The following KCNQ1 variants were observed in gnomAD, a reference collection of about 807,000 sequenced individuals.
The protein encoded by KCNQ1 is potassium voltage-gated channel subfamily KQT member 1.
Under a neutral mutation model 72.4 loss-of-function variants are expected in KCNQ1, and 49 were observed. That is an observed-to-expected ratio of 0.68 (90% CI 0.54 to 0.86). KCNQ1 has a LOEUF of 0.86. KCNQ1 is among the 40% of genes least tolerant of loss of function. The pLI is 0.00. For synonymous variants in KCNQ1, 450 were observed against 412.6 expected, an observed-to-expected ratio of 1.09 and a Z score of -1.10; for missense variants, 790 against 945.1, an observed-to-expected ratio of 0.84 and a Z score of 2.15.
chr11:2,584,547 G>A (rs201801257), intron 7 of KCNQ1, among the ~76,000 whole-genome samples: 12,008 of 151,136 alleles, frequency 0.079, 592 homozygotes, highest in East Asian at 0.17. Flanking sequence ...GTATGTGTTT[G>A]TGTTAGTGTG....
rs967303579 is a variant in KCNQ1 at position 2,781,405 on chromosome 11, G to T, written c.1794+3368G>T. 6.6e-6 allele frequency among the ~76,000 whole-genome samples: 1 copy of T among 152,164 alleles called. No individual in the cohort carries two copies. The highest frequency in any genetic ancestry group is 2.4e-5 in the African/African-American group (1 of 41,440). On this transcript the variant is annotated intron_variant, in intron 15 of 15. Coordinates refer to ENST00000155840, the MANE Select transcript of KCNQ1 (RefSeq NM_000218.3). The surrounding 1 kb of genome is among the most constrained non-coding windows in gnomAD (Gnocchi z 6.6). The stretch of plus-strand genomic sequence containing the variant: ...AGTCCGTATGGAGAGGCTGAGGAGG[G>T]TTGAGGCCAGGGGCAGGCTGGGGGC...
Position 2,669,021 on chromosome 11 carries a change from A to T in KCNQ1, c.1514+6940A>T, listed in dbSNP as rs1049459851. 6 of 398,542 alleles carry T rather than the reference A, an allele frequency of 1.5e-5. No individual in the cohort carries two copies. The East Asian group carries it at 1.8e-4, about 12-fold the overall frequency. The allele number at this position is 398,542 out of a possible 1,614,324, so 24.7% of individuals were successfully genotyped here. On this transcript the variant is annotated intron_variant, in intron 11 of 15. Transcript: ENST00000155840. This position sits in a 1 kb window ranked among gnomAD's most constrained non-coding sequence, Gnocchi z 5.6. ...CCACTCTTCCCCTACTTGGATATCC[A>T]GTCTAGCTCAGCACCCGGCATGGGA...
At chr11:2,778,159 T>A (rs1846746927) in intron 15 of KCNQ1, 122 bp downstream of exon 15, 4 of 945,834 alleles carry the variant, frequency 4.2e-6, no homozygotes, top group East Asian at 2.5e-5. Flanking sequence ...CGCCAGTGCC[T>A]ACTGCAGCCT....
intron 15 of KCNQ1, among the ~76,000 whole-genome samples, chr11:2,806,940 C>T (rs560391244): frequency 6.6e-6 from 1 of 152,226 alleles, no homozygotes; most frequent in Admixed American, 6.5e-5. Flanking sequence ...CCAGCGGGGG[C>T]ATGGGGAGGG....
In KCNQ1 at chr11:2,613,916, T is replaced by C. The variant is rs1849019389; in HGVS notation, c.1393+25062T>C. 5.0e-6 allele frequency: 2 copies of C among 398,580 alleles called. No homozygotes were observed. The highest frequency in any genetic ancestry group is 7.1e-5 in the East Asian group (2 of 28,070). The allele number at this position is 398,580 out of a possible 1,614,324, so 24.7% of individuals were successfully genotyped here. A position where few individuals can be genotyped will look rare whatever the true frequency, so the allele number is the denominator to read the frequency against. On this transcript the variant is annotated intron_variant, in intron 10 of 15. Transcript: ENST00000155840. The surrounding 1 kb of genome is among the most constrained non-coding windows in gnomAD (Gnocchi z 4.8). Reference sequence around the variant, plus strand: ...CATTTCCCAAAAAAGTACTATTCTGTATATGCCCTTTTGAACTTTGCTTTT... The same window carrying C: ...CATTTCCCAAAAAAGTACTATTCTGCATATGCCCTTTTGAACTTTGCTTTT...
At position 2,617,312 on chromosome 11, in the gene KCNQ1, A is replaced by C. The variant is rs1849083552; in HGVS notation, c.1393+28458A>C. 2.5e-6 allele frequency: 1 copy of C among 398,410 alleles called. No individual in the cohort carries two copies. Among genetic ancestry groups the C allele is most frequent in the African/African-American group, 2.1e-5 (1 of 48,730 alleles). The allele number at this position is 398,410 out of a possible 1,614,324, so 24.7% of individuals were successfully genotyped here. ...TTTTTCTTTTTAAGATTCTACATAT[A>C]GGTGAGATTATTTAAAACTTTTCAT... On this transcript the variant is annotated intron_variant, in intron 10 of 15. Coordinates refer to ENST00000155840, the MANE Select transcript of KCNQ1 (RefSeq NM_000218.3). The surrounding 1 kb of genome is among the most constrained non-coding windows in gnomAD (Gnocchi z 4.6).
intron 10 of KCNQ1, chr11:2,644,582 T>A: frequency 2.5e-6 from 1 of 398,606 alleles, no homozygotes; most frequent in Admixed American, 4.4e-5. Flanking sequence ...TGTTGGAGAA[T>A]TATTGCATTC....
rs146637328 is a variant in KCNQ1, at chr11:2,505,050, TTC to T, written c.387-22876_387-22875del. 6.0e-3 allele frequency among the ~76,000 whole-genome samples: 902 copies of T among 149,938 alleles called. 12 individuals are homozygous for T. Among genetic ancestry groups the T allele is most frequent in the African/African-American group, 0.022 (865 of 39,404 alleles). ...GCATTTAAGTATTTTCTAATTTCCCTTCTGATTTTTTTTTTTTTTAATTTAAG... is the reference window on the plus strand; with the variant it reads ...GCATTTAAGTATTTTCTAATTTCCCTTGATTTTTTTTTTTTTTAATTTAAG... On this transcript the variant is annotated intron_variant, in intron 1 of 15. Coordinates refer to ENST00000155840, the MANE Select transcript of KCNQ1 (RefSeq NM_000218.3).
chr11:2,499,326 G>A (rs889828184), intron 1 of KCNQ1, among the ~76,000 whole-genome samples: 2 of 152,088 alleles, frequency 1.3e-5, no homozygotes, highest in Admixed American at 6.6e-5. Context: ...CAAATAAAAA[G>A]CAAGAAATTA....
In KCNQ1 at chr11:2,515,854, A is replaced by G. The variant is rs1231454042; in HGVS notation, c.387-12074A>G. ...GCTTGTGCTCTGCCGGGCCACCTGC[A>G]CCCTCCGGGCCCCAGGAGAAGCTCA... On this transcript the variant is annotated intron_variant, in intron 1 of 15. Transcript: ENST00000155840. This position sits in a 1 kb window ranked among gnomAD's most constrained non-coding sequence, Gnocchi z 4.7. Among the ~76,000 whole-genome samples, 2 of 151,552 alleles carry G rather than the reference A, an allele frequency of 1.3e-5. No individual in the cohort carries two copies. Among genetic ancestry groups the G allele is most frequent in the Non-Finnish European group, 2.9e-5 (2 of 67,876 alleles).
chr11:2,604,713 T>A (rs757472577), intron 10 of KCNQ1, among the ~76,000 whole-genome samples: 1 of 151,790 alleles, frequency 6.6e-6, no homozygotes, highest in Non-Finnish European at 1.5e-5. Flanking sequence ...CCCAGCTAAT[T>A]TTTTGTATTT....
intron 1 of KCNQ1, among the ~76,000 whole-genome samples, chr11:2,500,075 A>G (rs1846985431): frequency 6.6e-6 from 1 of 152,256 alleles, no homozygotes; most frequent in Non-Finnish European, 1.5e-5. Flanking sequence ...GAATGACCAG[A>G]GGGTCAAGGA....
intron 8 of KCNQ1, among the ~76,000 whole-genome samples, chr11:2,586,420 C>T (rs1589967773): frequency 6.6e-6 from 1 of 152,222 alleles, no homozygotes; most frequent in Admixed American, 6.5e-5. Context: ...CCCGTAAACC[C>T]GCCTTGGTCC....
chr11:2,642,873 C>T lies in KCNQ1; in HGVS notation c.1394-19088C>T, dbSNP rs553748214. The T allele has an allele frequency of 7.5e-6, 3 of 397,806 alleles. No homozygotes were observed. The South Asian group carries it at 3.8e-4, about 51-fold the overall frequency. The allele number at this position is 397,806 out of a possible 1,614,324, so 24.6% of individuals were successfully genotyped here. A position where few individuals can be genotyped will look rare whatever the true frequency, so the allele number is the denominator to read the frequency against. ...TCAGAATGTTGTGCTTCTATTTTCA[C>T]TTGTTTCAGTAAATTTTTTATTTCT... On this transcript the variant is annotated intron_variant, in intron 10 of 15. Coordinates refer to ENST00000155840, the MANE Select transcript of KCNQ1 (RefSeq NM_000218.3). The surrounding 1 kb of genome is among the most constrained non-coding windows in gnomAD (Gnocchi z 4.3).
Position 2,710,375 on chromosome 11 carries a change from A to G in KCNQ1, c.1514+48294A>G, listed in dbSNP as rs1162774631. Among the ~76,000 whole-genome samples the G allele has an allele frequency of 6.6e-6, 1 of 152,030 alleles. No homozygotes were observed. The highest frequency in any genetic ancestry group is 1.5e-5 in the Non-Finnish European group (1 of 68,004). ...TTTATAGTCTAGATATAAGTTTTTT[A>G]TATTCTAGATTCAAGTTCCTTATCA... On this transcript the variant is annotated intron_variant, in intron 11 of 15. Transcript: ENST00000155840. This position sits in a 1 kb window ranked among gnomAD's most constrained non-coding sequence, Gnocchi z 4.1.
chr11:2,504,768 C>T (rs75587420), intron 1 of KCNQ1, among the ~76,000 whole-genome samples: 10,742 of 152,052 alleles, frequency 0.071, 496 homozygotes, highest in East Asian at 0.21. Flanking sequence ...ATAAATAAGA[C>T]GAAAAGAGTA....
At chr11:2,834,891 C>T (rs1479639118) in intron 15 of KCNQ1, among the ~76,000 whole-genome samples, 1 of 152,208 alleles carries the variant, frequency 6.6e-6, no homozygotes, top group African/African-American at 2.4e-5. Context: ...GAGGCTCCTG[C>T]AGATGCCAGG....
At chr11:2,610,933 T>C in intron 10 of KCNQ1, 1 of 398,430 alleles carries the variant, frequency 2.5e-6, no homozygotes, top group Non-Finnish European at 4.4e-6. Context: ...TAACTCACTC[T>C]GAATAATTGA....
At position 2,691,147 on chromosome 11, in the gene KCNQ1, G is replaced by T. The variant is rs953500561; in HGVS notation, c.1514+29066G>T. ...CAGACCTGGTGCAGAGTCTGTGCTGGCCTCTGGCCTCTCACAGCCTTGGGA... is the reference window on the plus strand; with the variant it reads ...CAGACCTGGTGCAGAGTCTGTGCTGTCCTCTGGCCTCTCACAGCCTTGGGA... On this transcript the variant is annotated intron_variant, in intron 11 of 15. Coordinates refer to ENST00000155840, the MANE Select transcript of KCNQ1 (RefSeq NM_000218.3). This position sits in a 1 kb window ranked among gnomAD's most constrained non-coding sequence, Gnocchi z 6.4. 2 of 398,528 alleles carry T rather than the reference G, an allele frequency of 5.0e-6. No individual in the cohort carries two copies. Among genetic ancestry groups the T allele is most frequent in the African/African-American group, 4.1e-5 (2 of 48,626 alleles). The allele number at this position is 398,528 out of a possible 1,614,324, so 24.7% of individuals were successfully genotyped here.
Sources: allele counts gnomAD v4.1 joint callset (sites outside exome capture counted in the v4.1 genomes callset), GRCh38; gene constraint gnomAD v4.1.1; non-coding constraint Gnocchi (gnomAD v3.1); transcripts MANE v1.5; gene names NCBI Gene and HGNC (gene_info 2026-07-23, HGNC 2026-07-21).